The following SCRIB variants were observed in gnomAD, a reference collection of about 807,000 sequenced individuals.
SCRIB encodes protein scribble homolog.
SCRIB carries 72 observed loss-of-function variants against 170.0 expected under a neutral mutation model. That is an observed-to-expected ratio of 0.42 (90% CI 0.35 to 0.52). The LOEUF (loss-of-function observed/expected upper bound fraction) is 0.52, where lower values mean the gene tolerates loss of function less well. SCRIB is among the 20% of genes least tolerant of loss of function. The probability of loss-of-function intolerance (pLI) is 0.02; values close to 1 mark genes in which losing one functional copy is unlikely to be tolerated. For synonymous variants in SCRIB, 1,298 were observed against 1,044.3 expected (o/e 1.24, Z -4.68); for missense variants, 2,475 against 2,338.5 (o/e 1.06, Z -1.20).
chr8:143,811,914 G>A (rs1259610755), intron 9 of SCRIB, among the ~76,000 whole-genome samples: 1 of 152,176 alleles, frequency 6.6e-6, no homozygotes, highest in Non-Finnish European at 1.5e-5. Context: ...TGCTTTGTGA[G>A]GGGCAGGCAG....
chr8:143,795,732 G>A (rs1173400271), intron 24 of SCRIB, among the ~76,000 whole-genome samples: 3 of 152,214 alleles, frequency 2.0e-5, no homozygotes, highest in East Asian at 1.9e-4. Flanking sequence ...GTCCCCGGCC[G>A]GTCCCCATCA....
intron 28 of SCRIB, 176 bp from the exon 29 acceptor site, chr8:143,793,259 A>T (rs1010590586): frequency 3.9e-5 from 19 of 491,726 alleles, no homozygotes; most frequent in Non-Finnish European, 5.7e-5. Flanking sequence ...GCACTCACGG[A>T]GTGGGGACAA....
At position 143,810,466 on chromosome 8, in the gene SCRIB, G is replaced by A. The variant is rs770261499; in HGVS notation, c.1530+13C>T. The stretch of plus-strand genomic sequence containing the variant: ...GTCAGCGGCCCGCCAGGTTGCCGTG[G>A]CTCCATGCCCACCTCCTCTGCAGGC... On this transcript the variant is annotated intron_variant, in intron 13 of 36. Coordinates refer to ENST00000356994, the MANE Select transcript of SCRIB (RefSeq NM_182706.5). 32 of 1,603,630 alleles carry A rather than the reference G, an allele frequency of 2.0e-5. No homozygotes were observed. The highest frequency in any genetic ancestry group is 2.5e-5 in the Non-Finnish European group (30 of 1,178,960).
chr8:143,793,423 G>C (rs1814801223), intron 28 of SCRIB: 1 of 307,130 alleles, frequency 3.3e-6, no homozygotes, highest in African/African-American at 2.1e-5. Context: ...AGAGAGGGGG[G>C]TGGGAGAGAC....
chr8:143,796,720 G>A (rs562798910), intron 24 of SCRIB, among the ~76,000 whole-genome samples: 14 of 152,260 alleles, frequency 9.2e-5, no homozygotes, highest in Admixed American at 3.9e-4. Context: ...CAGGACTAGC[G>A]GGACAAACAA....
Position 143,813,692 on chromosome 8 carries a change from C to T in SCRIB, c.391G>A (p.Ala131Thr), listed in dbSNP as rs1563809056. 3.1e-6 allele frequency: 5 copies of T among 1,613,530 alleles called. No individual in the cohort carries two copies. The highest frequency in any genetic ancestry group is 1.6e-4 in the Middle Eastern group (1 of 6,062). Residue 131 changes from alanine to threonine, a missense_variant, in exon 4 of 37, where the codon GCT becomes ACT. Physicochemically the swap from Ala to Thr is moderately conservative, Grantham distance 58. Transcript: ENST00000356994. ...PDGFTQLRSL[A>T]HLALNDVSLQ... Reference sequence around the variant, plus strand: ...GACACATCATTCAGGGCCAGGTGAGCCAGGCTGCGCAGCTGAGTGAAGCCA... The same window carrying T: ...GACACATCATTCAGGGCCAGGTGAGTCAGGCTGCGCAGCTGAGTGAAGCCA...
In SCRIB at chr8:143,792,850, A is replaced by G; in HGVS notation, c.4035T>C (p.Pro1345=). The part of the protein sequence containing the change: ...DAPAQPPTPG[P]AASPEQLSFR... ...AGGACAGCTGCTCCGGGGAGGCTGC[A>G]GGCCCAGGCGTGGGGGGCTGGGGGG... Residue 1345 remains proline, a synonymous_variant, in exon 30 of 37, where the codon CCT becomes CCC. Coordinates refer to ENST00000356994, the MANE Select transcript of SCRIB (RefSeq NM_182706.5). The G allele has an allele frequency of 1.3e-6, 2 of 1,525,950 alleles. No homozygotes were observed. Among genetic ancestry groups the G allele is most frequent in the Non-Finnish European group, 1.8e-6 (2 of 1,139,612 alleles). 94.5% of individuals were successfully genotyped at this position (1,525,950 alleles called of 1,614,324 possible).
intron 12 of SCRIB, 33 bp from the exon 13 acceptor site, chr8:143,810,637 A>C (rs774590716): frequency 6.2e-7 from 1 of 1,605,834 alleles, no homozygotes; most frequent in South Asian, 1.1e-5. Flanking sequence ...CAGCAGCCAC[A>C]GGGCAGGGGT....
intron 1 of SCRIB, 97 bp downstream of exon 1, chr8:143,815,117 C>A (rs540933811): frequency 3.7e-6 from 5 of 1,348,762 alleles, no homozygotes; most frequent in East Asian, 6.1e-5. Flanking sequence ...GCAGGGCCGG[C>A]TGGAGGCTGC....
chr8:143,813,908 G>C lies in SCRIB; in HGVS notation c.278-12C>G. On this transcript the variant is annotated splice_polypyrimidine_tract_variant and intron_variant, in intron 2 of 36. Transcript: ENST00000356994. ...GATCTCAGGGATATCTGTCACAGAG[G>C]GTCACAGTGGACAGATGCCATGGCC... 1 of 1,606,358 alleles carries C rather than the reference G, an allele frequency of 6.2e-7. No individual in the cohort carries two copies. The highest frequency in any genetic ancestry group is 8.5e-7 in the Non-Finnish European group (1 of 1,174,896).
chr8:143,791,821 G>GA (rs1178937386), intron 34 of SCRIB, 55 bp downstream of exon 34: 1 of 1,448,506 alleles, frequency 6.9e-7, no homozygotes, highest in African/African-American at 1.5e-5. Context: ...GGGCAGGCCA[G>GA]ACCCCACCCC....
chr8:143,803,647 C>T lies in SCRIB; in HGVS notation c.3414G>A (p.Lys1138=). 6.4e-7 allele frequency: 1 copy of T among 1,550,708 alleles called. No homozygotes were observed. The highest frequency in any genetic ancestry group is 1.4e-5 in the African/African-American group (1 of 73,726). The change falls in exon 23 of 37, where the codon AAG becomes AAA. Residue 1138 remains lysine (K), a splice_region_variant and synonymous_variant. Transcript: ENST00000356994. ...DPTDEGIFIS[K]VSPTGAAGRD... ...GCGGGCTGGGGTGGGGGGGGCTCAC[C>T]TTGGAGATGAAGATGCCCTCGTCTG... is the stretch of plus-strand genomic sequence containing the variant.
rs1441719309 is a variant in SCRIB, at chr8:143,791,175, A to G, written c.4956T>C (p.Pro1652=). 4 of 1,429,568 alleles carry G rather than the reference A, an allele frequency of 2.8e-6. No homozygotes were observed. The African/African-American group carries it at 5.8e-5, about 21-fold the overall frequency. The allele number at this position is 1,429,568 out of a possible 1,614,324, so 88.6% of individuals were successfully genotyped here. A position where few individuals can be genotyped will look rare whatever the true frequency, so the allele number is the denominator to read the frequency against. The change falls in exon 37 of 37, where the codon CCT becomes CCC. Residue 1652 remains proline (P), a synonymous_variant. Coordinates refer to ENST00000356994, the MANE Select transcript of SCRIB (RefSeq NM_182706.5). ...PVRPGRRGLG[P]VPS ...GGTGCCTGCTCCTCTAGGAGGGCAC[A>G]GGGCCCAGGCCACGGCGCCCAGGCC...
At chr8:143,811,718 C>T (rs1372248356) in intron 9 of SCRIB, among the ~76,000 whole-genome samples, 1 of 152,130 alleles carries the variant, frequency 6.6e-6, no homozygotes, top group African/African-American at 2.4e-5. Context: ...TTCCAGCCTG[C>T]CTGCTCAGGG....
rs752073899 is a variant in SCRIB, at chr8:143,809,653, A to C, written c.1596T>G (p.Ser532=). The part of the protein sequence containing the change: ...EDSRPSASTV[S]EAEPEGPSAE... Reference sequence around the variant, plus strand: ...CCGACGGGCCCTCGGGCTCAGCCTCAGAGACTGTGCTGGCAGATGGGCGAG... The same window carrying C: ...CCGACGGGCCCTCGGGCTCAGCCTCCGAGACTGTGCTGGCAGATGGGCGAG... Residue 532 remains serine (S), a synonymous_variant, in exon 14 of 37, where the codon TCT becomes TCG. Transcript: ENST00000356994. 6.2e-7 allele frequency: 1 copy of C among 1,611,238 alleles called. No individual in the cohort carries two copies. The highest frequency in any genetic ancestry group is 8.5e-7 in the Non-Finnish European group (1 of 1,179,902).
rs1050835843 is a variant in SCRIB at position 143,806,264 on chromosome 8, G to A, written c.2346+143C>T. 28 of 666,220 alleles carry A rather than the reference G, an allele frequency of 4.2e-5. No homozygotes were observed. In the Admixed American group the frequency reaches 5.5e-4, roughly 13 times the overall value. The allele number at this position is 666,220 out of a possible 1,614,324, so 41.3% of individuals were successfully genotyped here. A position where few individuals can be genotyped will look rare whatever the true frequency, so the allele number is the denominator to read the frequency against. ...TTCTCTCCTGGGGTTTACAGGTTCC[G>A]TGGCTTCACCCGGAAGTCTGGGTGT... On this transcript the variant is annotated intron_variant, in intron 18 of 36. Transcript: ENST00000356994.
chr8:143,806,597 CCAG>C (rs1201499718), intron 17 of SCRIB, 113 bp from the exon 18 acceptor site: 3 of 851,660 alleles, frequency 3.5e-6, no homozygotes, highest in Admixed American at 2.1e-5. Context: ...CTAGCCCTGG[CCAG>C]CAGGAGGACT....
intron 3 of SCRIB, 22 bp downstream of exon 3, chr8:143,813,796 C>G: frequency 6.2e-7 from 1 of 1,608,404 alleles, no homozygotes. Context: ...CCCTACCGAC[C>G]CCACCACAGG....
In SCRIB at chr8:143,811,354, G is replaced by C. The variant is rs902866170; in HGVS notation, c.907-9C>G. ...AGGGAGCGGGGCAGGGCCTGGCCAAGAAGAGGAGGTCAGAGGACGCTAGGG... is the reference window on the plus strand; with the variant it reads ...AGGGAGCGGGGCAGGGCCTGGCCAACAAGAGGAGGTCAGAGGACGCTAGGG... On this transcript the variant is annotated splice_polypyrimidine_tract_variant and intron_variant, in intron 9 of 36. Coordinates refer to ENST00000356994, the MANE Select transcript of SCRIB (RefSeq NM_182706.5). The C allele has an allele frequency of 3.1e-6, 5 of 1,610,058 alleles. No homozygotes were observed.
Sources: gnomAD v4.1 joint callset for allele counts (sites outside exome capture counted in the v4.1 genomes callset) on GRCh38, gnomAD v4.1.1 for gene constraint, MANE v1.5 for transcripts, NCBI Gene and HGNC (gene_info 2026-07-23, HGNC 2026-07-21) for gene names.